Variants in ARL3 observed in about 807,000 individuals in gnomAD.
ARL3 encodes the protein ADP-ribosylation factor-like protein 3.
ARL3 carries 9 observed loss-of-function variants against 26.0 expected under a neutral mutation model. That is an observed-to-expected ratio of 0.35 (90% CI 0.21 to 0.60). The LOEUF is 0.60. ARL3 is among the 20% of genes least tolerant of loss of function. ARL3 has a pLI of 0.78. For missense variants in ARL3, 158 were observed against 215.7 expected (o/e 0.73, Z 1.67); for synonymous variants, 71 against 78.4 (o/e 0.91, Z 0.50).
At chr10:102,703,702 C>T (rs975784163) in intron 2 of ARL3, among the ~76,000 whole-genome samples, 1 of 151,872 alleles carries the variant, frequency 6.6e-6, no homozygotes, top group Non-Finnish European at 1.5e-5. Context: ...CTCGGCCTCC[C>T]AAAGTGCTGG....
intron 2 of ARL3, among the ~76,000 whole-genome samples, chr10:102,703,768 C>G (rs1351481782): frequency 6.6e-6 from 1 of 151,998 alleles, no homozygotes; most frequent in Non-Finnish European, 1.5e-5. Context: ...AACCTCCACG[C>G]TGTGAGCACT....
At chr10:102,695,529 T>G (rs1050562436) in intron 3 of ARL3, among the ~76,000 whole-genome samples, 1 of 152,242 alleles carries the variant, frequency 6.6e-6, no homozygotes, top group African/African-American at 2.4e-5. Context: ...TTAAAATTTT[T>G]TTTTTGTTTT....
chr10:102,695,524 A>AT (rs940972720), intron 3 of ARL3, among the ~76,000 whole-genome samples: 59 of 150,700 alleles, frequency 3.9e-4, no homozygotes, highest in Middle Eastern at 6.8e-3. Context: ...TTGATTTAAA[A>AT]TTTTTTTTTT....
chr10:102,690,282 T>C (rs1358178223), intron 3 of ARL3, among the ~76,000 whole-genome samples: 1 of 149,756 alleles, frequency 6.7e-6, no homozygotes, highest in African/African-American at 2.4e-5. Context: ...ACAATATAGA[T>C]TTCACTATTT....
At chr10:102,690,093 G>T in intron 3 of ARL3, 150 bp from the exon 4 acceptor site, 1 of 471,936 alleles carries the variant, frequency 2.1e-6, no homozygotes, top group Non-Finnish European at 3.9e-6. Flanking sequence ...CATTTATGAA[G>T]GCCAAACAAA....
intron 5 of ARL3, among the ~76,000 whole-genome samples, chr10:102,677,970 A>T (rs917590530): frequency 6.6e-6 from 1 of 152,136 alleles, no homozygotes; most frequent in African/African-American, 2.4e-5. Context: ...TTACAGTAAT[A>T]AATATCAGCT....
intron 5 of ARL3, among the ~76,000 whole-genome samples, chr10:102,685,609 C>T (rs1223356956): frequency 6.6e-6 from 1 of 152,164 alleles, no homozygotes; most frequent in African/African-American, 2.4e-5. Context: ...GGGAAGCTTG[C>T]TGCACATGTG....
chr10:102,689,849 C>CATATAT (rs368682404), intron 4 of ARL3, 44 bp downstream of exon 4: 30 of 1,222,858 alleles, frequency 2.5e-5, no homozygotes, highest in Non-Finnish European at 3.0e-5. Context: ...AAAGTACATA[C>CATATAT]ATATATATAT....
intron 3 of ARL3, among the ~76,000 whole-genome samples, chr10:102,695,450 T>C (rs1313007220): frequency 6.6e-6 from 1 of 152,250 alleles, no homozygotes; most frequent in Non-Finnish European, 1.5e-5. Context: ...AACCGACTTG[T>C]ACATATTAAC....
chr10:102,677,307 GC>G (rs2064135272), intron 5 of ARL3, among the ~76,000 whole-genome samples: 1 of 152,214 alleles, frequency 6.6e-6, no homozygotes, highest in Non-Finnish European at 1.5e-5. Flanking sequence ...GGTGACCTTT[GC>G]CAGGGCATTA....
At chr10:102,696,470 T>C (rs2064248751) in intron 3 of ARL3, among the ~76,000 whole-genome samples, 1 of 151,778 alleles carries the variant, frequency 6.6e-6, no homozygotes, top group East Asian at 1.9e-4. Context: ...TTCACCATCT[T>C]GGCCAGGCTG....
chr10:102,689,003 T>C (rs559955102), intron 4 of ARL3, among the ~76,000 whole-genome samples: 1 of 152,348 alleles, frequency 6.6e-6, no homozygotes, highest in African/African-American at 2.4e-5. Context: ...ATATTCAATT[T>C]GATTAAAGCT....
intron 5 of ARL3, 73 bp from the exon 6 acceptor site, chr10:102,677,014 C>A: frequency 1.9e-6 from 3 of 1,544,436 alleles, no homozygotes; most frequent in East Asian, 2.3e-5. Context: ...CCTGGAGGGG[C>A]GGGCAGTGGG....
At chr10:102,703,118 CTTTTTTTTT>C (rs1023724116) in intron 2 of ARL3, among the ~76,000 whole-genome samples, 1 of 101,164 alleles carries the variant, frequency 9.9e-6, no homozygotes, top group Non-Finnish European at 1.9e-5. Flanking sequence ...CAGGTCTTGT[CTTTTTTTTT>C]TTTTTTTTTT....
At chr10:102,702,150 C>T (rs1590126657) in intron 2 of ARL3, among the ~76,000 whole-genome samples, 1 of 151,954 alleles carries the variant, frequency 6.6e-6, no homozygotes, top group South Asian at 2.1e-4. Flanking sequence ...ATGGATGGTG[C>T]CACTGTACTC....
chr10:102,708,908 A>ATATATATAT, intron 1 of ARL3, among the ~76,000 whole-genome samples: 41 of 95,308 alleles, frequency 4.3e-4, no homozygotes, highest in South Asian at 3.3e-3. Flanking sequence ...ATATATATAT[A>ATATATATAT]TTTTTTTTTT....
chr10:102,706,547 A>C (rs1298971055), intron 1 of ARL3, among the ~76,000 whole-genome samples: 3 of 152,216 alleles, frequency 2.0e-5, no homozygotes, highest in Non-Finnish European at 2.9e-5. Context: ...GGATAGGTGC[A>C]TGGTATAGAT....
chr10:102,699,604 T>C (rs2064268256), intron 2 of ARL3, 115 bp from the exon 3 acceptor site: 2 of 614,580 alleles, frequency 3.3e-6, no homozygotes, highest in Non-Finnish European at 5.8e-6. Flanking sequence ...CCATATGTGA[T>C]ACTGGTAATG....
chr10:102,691,797 C>G (rs2064219467), intron 3 of ARL3, among the ~76,000 whole-genome samples: 1 of 152,140 alleles, frequency 6.6e-6, no homozygotes, highest in African/African-American at 2.4e-5. Flanking sequence ...CGTAATAAGT[C>G]TTTTTCAACC....
Sources: allele counts gnomAD v4.1 joint callset (sites outside exome capture counted in the v4.1 genomes callset), GRCh38; gene constraint gnomAD v4.1.1; transcripts MANE v1.5; gene names NCBI Gene and HGNC (gene_info 2026-07-23, HGNC 2026-07-21).